Variants in SPATA31F3 observed in about 807,000 individuals in gnomAD.
The protein encoded by SPATA31F3 is SPATA31 subfamily F member 3.
the SPATA31F3 span, among the ~76,000 whole-genome samples, chr9:34,892,029 C>G: frequency 6.6e-6 from 1 of 152,198 alleles, no homozygotes. Flanking sequence ...GGGCCAAAGC[C>G]TCCCCTGTTT....
chr9:34,891,280 C>T, the SPATA31F3 span, among the ~76,000 whole-genome samples: 17 of 152,272 alleles, frequency 1.1e-4, no homozygotes, highest in South Asian at 4.1e-4. Context: ...AGGACAGGGG[C>T]GCCAAGTTGC....
At chr9:34,891,829 G>A in the SPATA31F3 span, among the ~76,000 whole-genome samples, 1 of 152,184 alleles carries the variant, frequency 6.6e-6, no homozygotes, top group Non-Finnish European at 1.5e-5. Flanking sequence ...GACAACAGCT[G>A]GCAAACTCCA....
At chr9:34,889,633 C>T in the SPATA31F3 span, 2 of 398,574 alleles carry the variant, frequency 5.0e-6, no homozygotes. Context: ...ACTTCTGGAG[C>T]TTCTGGAAGG....
chr9:34,895,450 G>T, the SPATA31F3 span: 1 of 397,304 alleles, frequency 2.5e-6, no homozygotes, highest in Non-Finnish European at 4.4e-6. Context: ...CACCCAAATT[G>T]GGAGCTCTTC....
the SPATA31F3 span, among the ~76,000 whole-genome samples, chr9:34,891,652 A>G: frequency 6.6e-6 from 1 of 152,176 alleles, no homozygotes; most frequent in East Asian, 1.9e-4. Context: ...TTGCTCCTGG[A>G]GGTGGAATCC....
the SPATA31F3 span, chr9:34,894,935 G>A: frequency 1.3e-5 from 5 of 397,702 alleles, no homozygotes; most frequent in Non-Finnish European, 2.2e-5. Flanking sequence ...AGAGTCTGCA[G>A]TGGTTAGAGC....
At chr9:34,889,546 T>A in the SPATA31F3 span, 1 of 398,574 alleles carries the variant, frequency 2.5e-6, no homozygotes, top group Non-Finnish European at 4.4e-6. Context: ...GAAAGGAGAA[T>A]GGATTCCTCA....
At chr9:34,892,740 AAGAC>A in the SPATA31F3 span, 2 of 463,356 alleles carry the variant, frequency 4.3e-6, no homozygotes, top group East Asian at 6.4e-5. Flanking sequence ...TCAAAGTTTG[AAGAC>A]AGAGATCCCA....
chr9:34,891,718 T>C, the SPATA31F3 span, among the ~76,000 whole-genome samples: 1 of 152,168 alleles, frequency 6.6e-6, no homozygotes, highest in Non-Finnish European at 1.5e-5. Flanking sequence ...AGGACTGAAA[T>C]GGACTTCCCC....
At chr9:34,892,084 T>C in the SPATA31F3 span, among the ~76,000 whole-genome samples, 1 of 152,166 alleles carries the variant, frequency 6.6e-6, no homozygotes, top group Non-Finnish European at 1.5e-5. Flanking sequence ...AGGCAGACAG[T>C]AATGTGCAGA....
chr9:34,894,518 T>C, the SPATA31F3 span: 3 of 398,442 alleles, frequency 7.5e-6, no homozygotes, highest in Non-Finnish European at 1.3e-5. Context: ...AAACAGAAGA[T>C]AGTGAGTGTT....
the SPATA31F3 span, among the ~76,000 whole-genome samples, chr9:34,890,311 A>G: frequency 5.3e-5 from 8 of 152,218 alleles, no homozygotes; most frequent in South Asian, 6.2e-4. Flanking sequence ...AATGTCATCA[A>G]ATGTCACTGG....
At chr9:34,894,423 CA>C in the SPATA31F3 span, 1 of 398,418 alleles carries the variant, frequency 2.5e-6, no homozygotes, top group South Asian at 1.3e-4. Flanking sequence ...TGGGAGACTG[CA>C]AAGAAGAAGA....
At chr9:34,891,174 C>T in the SPATA31F3 span, among the ~76,000 whole-genome samples, 1 of 152,178 alleles carries the variant, frequency 6.6e-6, no homozygotes, top group African/African-American at 2.4e-5. Context: ...AGCCCTGTTG[C>T]TGCTGATCAA....
the SPATA31F3 span, among the ~76,000 whole-genome samples, chr9:34,891,751 A>C: frequency 6.6e-6 from 1 of 152,140 alleles, no homozygotes; most frequent in South Asian, 2.1e-4. Flanking sequence ...TCCTGGATCT[A>C]GTGGGAAAGG....
At chr9:34,894,986 G>C in the SPATA31F3 span, 1 of 398,282 alleles carries the variant, frequency 2.5e-6, no homozygotes, top group African/African-American at 2.1e-5. Flanking sequence ...GTCAGGATCC[G>C]TGGGAACCTC....
chr9:34,891,418 G>A, the SPATA31F3 span, among the ~76,000 whole-genome samples: 1 of 152,136 alleles, frequency 6.6e-6, no homozygotes, highest in Non-Finnish European at 1.5e-5. Flanking sequence ...ACATTACCTT[G>A]GCCTGAGGAA....
chr9:34,895,669 A>G, the SPATA31F3 span: 79 of 403,922 alleles, frequency 2.0e-4, no homozygotes, highest in Non-Finnish European at 3.1e-4. Flanking sequence ...AGATGGATCC[A>G]TAGGTGTATA....
At chr9:34,891,784 C>T in the SPATA31F3 span, among the ~76,000 whole-genome samples, 1 of 152,142 alleles carries the variant, frequency 6.6e-6, no homozygotes, top group Non-Finnish European at 1.5e-5. Flanking sequence ...TCAGGGCTTA[C>T]ATTGTATGAT....
Sources: gnomAD v4.1 joint callset for allele counts (sites outside exome capture counted in the v4.1 genomes callset) on GRCh38, gnomAD v4.1.1 for gene constraint, MANE v1.5 for transcripts, NCBI Gene and HGNC (gene_info 2026-07-23, HGNC 2026-07-21) for gene names.